Variants in PARP6 observed in about 807,000 individuals in gnomAD.
PARP6 encodes protein mono-ADP-ribosyltransferase PARP6.
PARP6 carries 27 observed loss-of-function variants against 92.0 expected under a neutral mutation model. That is an observed-to-expected ratio of 0.29 (90% CI 0.22 to 0.40). The LOEUF (loss-of-function observed/expected upper bound fraction) is 0.40. Among genes scored for constraint, PARP6 ranks in the 10% least tolerant of loss-of-function variants. The probability of loss-of-function intolerance (pLI) is 1.00; values close to 1 mark genes in which losing one functional copy is unlikely to be tolerated. For synonymous variants in PARP6, 272 were observed against 281.2 expected (o/e 0.97, Z 0.33); for missense variants, 501 against 784.5 (o/e 0.64, Z 4.32).
At chr15:72,249,207 T>C (rs775938146) in intron 20 of PARP6, 38 bp downstream of exon 20, 2 of 1,223,070 alleles carry the variant, frequency 1.6e-6, no homozygotes, top group East Asian at 2.4e-5. Context: ...ATGGAGGCAA[T>C]GTAAATAGAG....
intron 3 of PARP6, 101 bp from the exon 4 acceptor site, chr15:72,266,923 G>A (rs1368899189): frequency 7.8e-6 from 7 of 892,398 alleles, no homozygotes; most frequent in Non-Finnish European, 1.3e-5. Flanking sequence ...ACAAAGATTG[G>A]GAAATATAGA....
chr15:72,258,824 G>A (rs1215914100), intron 11 of PARP6, among the ~76,000 whole-genome samples: 1 of 152,168 alleles, frequency 6.6e-6, no homozygotes, highest in Non-Finnish European at 1.5e-5. Flanking sequence ...ATTTTAGGCT[G>A]GTAATGGGAC....
At chr15:72,264,492 T>C (rs1597128322) in intron 8 of PARP6, 63 bp downstream of exon 8, 5 of 1,248,220 alleles carry the variant, frequency 4.0e-6, no homozygotes, top group Non-Finnish European at 5.9e-6. Context: ...TGTCCATCCA[T>C]ATATTTCCAC....
intron 6 of PARP6, 56 bp downstream of exon 6, chr15:72,265,357 G>A (rs754133338): frequency 6.9e-7 from 1 of 1,457,038 alleles, no homozygotes; most frequent in South Asian, 1.1e-5. Flanking sequence ...TGGCCTACAT[G>A]ACAAATTCCA....
chr15:72,242,311 G>GA lies in PARP6; in HGVS notation c.1642-92dup. 9.8e-7 allele frequency: 1 copy of GA among 1,019,098 alleles called. No individual in the cohort carries two copies. Among genetic ancestry groups the GA allele is most frequent in the South Asian group, 1.3e-5 (1 of 76,116 alleles). 63.1% of individuals were successfully genotyped at this position (1,019,098 alleles called of 1,614,324 possible). ...TGGTTAGCTGATGATTGGGAGTGGG[G>GA]ATCAGAGATATCCTGGGCTCCCAGC... On this transcript the variant is annotated intron_variant, in intron 21 of 23. Transcript: ENST00000569795. This position sits in a 1 kb window ranked among gnomAD's most constrained non-coding sequence, Gnocchi z 4.3.
intron 14 of PARP6, 148 bp downstream of exon 14, chr15:72,256,317 C>T (rs2085123430): frequency 5.4e-6 from 3 of 557,344 alleles, no homozygotes; most frequent in Non-Finnish European, 8.4e-6. Flanking sequence ...TCAAACTTGG[C>T]TATTTATTTA....
chr15:72,272,443 CG>C lies in PARP6; in HGVS notation c.-511del, dbSNP rs1377248030. 2.0e-5 allele frequency: 3 copies of C among 152,392 alleles called. No homozygotes were observed. Among genetic ancestry groups the C allele is most frequent in the African/African-American group, 4.8e-5 (2 of 41,566 alleles). The allele number at this position is 152,392 out of a possible 1,614,324, so 9.4% of individuals were successfully genotyped here. A position where few individuals can be genotyped will look rare whatever the true frequency, so the allele number is the denominator to read the frequency against. On this transcript the variant is annotated 5_prime_UTR_variant, in exon 1 of 24. Coordinates refer to ENST00000569795, the MANE Select transcript of PARP6 (RefSeq NM_001323532.2). ...CGAGCCCCGCACCCTTCCCGTGGCC[CG>C]GCCGCACCGCCCTGTGCCCGTGGTG...
intron 2 of PARP6, among the ~76,000 whole-genome samples, chr15:72,270,519 T>A (rs1309903677): frequency 1.3e-5 from 2 of 152,250 alleles, no homozygotes; most frequent in African/African-American, 4.8e-5. Flanking sequence ...GCCTCATTAC[T>A]GTTCTTCAAA....
chr15:72,257,920 G>A (rs781573196), intron 12 of PARP6, 117 bp downstream of exon 12: 6 of 745,116 alleles, frequency 8.1e-6, no homozygotes, highest in Non-Finnish European at 1.5e-5. Context: ...AATTTCTAGA[G>A]TATCAGGGTG....
At chr15:72,253,276 T>C (rs1378462350) in intron 16 of PARP6, among the ~76,000 whole-genome samples, 161 bp downstream of exon 16, 1 of 152,158 alleles carries the variant, frequency 6.6e-6, no homozygotes, top group Non-Finnish European at 1.5e-5. Flanking sequence ...TGTGTTATTT[T>C]CAAGGCAAGG....
intron 16 of PARP6, among the ~76,000 whole-genome samples, chr15:72,252,490 A>AT (rs199556217): frequency 0.038 from 5,639 of 147,784 alleles, 183 homozygotes; most frequent in African/African-American, 0.09. Flanking sequence ...AATACATGTA[A>AT]TTTTTTTTTT....
chr15:72,258,148 A>G lies in PARP6; in HGVS notation c.811-16T>C. The G allele has an allele frequency of 6.3e-7, 1 of 1,580,554 alleles. No individual in the cohort carries two copies. The highest frequency in any genetic ancestry group is 8.7e-7 in the Non-Finnish European group (1 of 1,149,390). On this transcript the variant is annotated splice_polypyrimidine_tract_variant and intron_variant, in intron 11 of 23. Coordinates refer to ENST00000569795, the MANE Select transcript of PARP6 (RefSeq NM_001323532.2). The stretch of plus-strand genomic sequence containing the variant: ...ACTTCATGATCTGAGAAAACAACAG[A>G]TTCTAAGTCTTTTGGAAGTACTGGC...
chr15:72,265,865 G>C (rs1402415579), intron 5 of PARP6, 32 bp downstream of exon 5: 1 of 1,426,060 alleles, frequency 7.0e-7, no homozygotes, highest in Non-Finnish European at 9.9e-7. Context: ...GAAGTGACTT[G>C]CTCCCCTGCC....
intron 9 of PARP6, 43 bp from the exon 10 acceptor site, chr15:72,260,731 C>CAT: frequency 6.8e-7 from 1 of 1,463,468 alleles, no homozygotes; most frequent in Non-Finnish European, 9.6e-7. Context: ...CTGGGGATTT[C>CAT]ATAGGATCCC....
chr15:72,254,585 G>A (rs992374126), intron 14 of PARP6, 65 bp from the exon 15 acceptor site: 35 of 1,286,738 alleles, frequency 2.7e-5, no homozygotes, highest in Non-Finnish European at 3.8e-5. Context: ...AAGATGTGAT[G>A]AAAAGGGGCT....
intron 2 of PARP6, among the ~76,000 whole-genome samples, chr15:72,268,553 C>A (rs891931801): frequency 6.6e-6 from 1 of 152,200 alleles, no homozygotes; most frequent in African/African-American, 2.4e-5. Context: ...ACAAACTTAG[C>A]TGGGTGTGGT....
intron 2 of PARP6, among the ~76,000 whole-genome samples, chr15:72,269,427 T>C (rs920991957): frequency 1.3e-5 from 2 of 151,444 alleles, no homozygotes; most frequent in African/African-American, 4.8e-5. Flanking sequence ...TCCCAAAGTG[T>C]TGGGATTACA....
intron 20 of PARP6, chr15:72,243,376 G>A (rs538131355): frequency 1.1e-4 from 17 of 152,282 alleles, no homozygotes; most frequent in African/African-American, 3.9e-4. Flanking sequence ...ATTTGCTCTA[G>A]TCTCAAAGTT....
intron 8 of PARP6, among the ~76,000 whole-genome samples, 185 bp from the exon 9 acceptor site, chr15:72,261,892 C>T (rs938642210): frequency 1.3e-5 from 2 of 152,154 alleles, no homozygotes; most frequent in African/African-American, 4.8e-5. Flanking sequence ...CCCAGAGCAC[C>T]CCTTCACCCT....
Sources: allele counts gnomAD v4.1 joint callset (sites outside exome capture counted in the v4.1 genomes callset), GRCh38; gene constraint gnomAD v4.1.1; non-coding constraint Gnocchi (gnomAD v3.1); transcripts MANE v1.5; gene names NCBI Gene and HGNC (gene_info 2026-07-23, HGNC 2026-07-21).